The following HMCN1 variants were observed in gnomAD, a reference collection of about 807,000 sequenced individuals.
The protein encoded by HMCN1 is hemicentin-1.
In HMCN1, 321 loss-of-function variants were observed where a neutral mutation model predicts 625.9. That is an observed-to-expected ratio of 0.51 (90% CI 0.47 to 0.56). HMCN1 has a LOEUF of 0.56. Ranked by LOEUF, HMCN1 falls within the 20% of genes least tolerant of loss-of-function variation. HMCN1 has a pLI of 0.00. For synonymous variants in HMCN1, 2,425 were observed against 2,417.6 expected, an observed-to-expected ratio of 1.00 and a Z score of -0.09; for missense variants, 6,588 against 6,887.3, an observed-to-expected ratio of 0.96 and a Z score of 1.54.
At chr1:186,119,494 A>T (rs1041097323) in intron 78 of HMCN1, among the ~76,000 whole-genome samples, 196 bp downstream of exon 78, 2 of 152,188 alleles carry the variant, frequency 1.3e-5, no homozygotes, top group Non-Finnish European at 1.5e-5. Flanking sequence ...TAACTCCAAA[A>T]TAATTTTTCT....
Position 186,108,633 on chromosome 1 carries a change from G to A in HMCN1, c.10989+36G>A, listed in dbSNP as rs371452028. 4 of 1,612,746 alleles carry A rather than the reference G, an allele frequency of 2.5e-6. No homozygotes were observed. The African/African-American group carries it at 4.0e-5, about 16-fold the overall frequency. On this transcript the variant is annotated intron_variant, in intron 71 of 106. Transcript: ENST00000271588. ...TGATAAGCTCCACAAATTCCTTTTT[G>A]AGATGAAAAAAGTAAAAAAATCAGC...
At chr1:185,875,473 A>G (rs947535698) in intron 4 of HMCN1, among the ~76,000 whole-genome samples, 1 of 152,094 alleles carries the variant, frequency 6.6e-6, no homozygotes, top group African/African-American at 2.4e-5. Flanking sequence ...AAAATCATGA[A>G]CCAAACTCTA....
chr1:185,948,850 A>C (rs1462193011), intron 11 of HMCN1, among the ~76,000 whole-genome samples: 1 of 151,724 alleles, frequency 6.6e-6, no homozygotes, highest in African/African-American at 2.4e-5. Flanking sequence ...GGGCTGCTTC[A>C]AGCGGGATTA....
intron 50 of HMCN1, among the ~76,000 whole-genome samples, chr1:186,068,410 C>T (rs1658261103): frequency 6.6e-6 from 1 of 151,868 alleles, no homozygotes; most frequent in African/African-American, 2.4e-5. Context: ...ATAGATAATG[C>T]AAATAAAAAG....
intron 3 of HMCN1, 109 bp from the exon 4 acceptor site, chr1:185,865,619 ACACACACACACAT>A: frequency 4.1e-6 from 3 of 737,636 alleles, no homozygotes; most frequent in Non-Finnish European, 6.9e-6. Context: ...ACACACACAC[ACACACACACACAT>A]TCACATATTC....
chr1:185,824,569 G>A (rs1182629443), intron 1 of HMCN1, among the ~76,000 whole-genome samples: 1 of 152,120 alleles, frequency 6.6e-6, no homozygotes, highest in Non-Finnish European at 1.5e-5. Flanking sequence ...GGGGAGAATG[G>A]ACACTATATT....
chr1:185,847,334 TA>T (rs1253778168), intron 2 of HMCN1, among the ~76,000 whole-genome samples: 1 of 152,198 alleles, frequency 6.6e-6, no homozygotes, highest in African/African-American at 2.4e-5. Flanking sequence ...AATGGACTCT[TA>T]ATACTCCCAT....
chr1:186,164,970 T>C, intron 97 of HMCN1, 141 bp from the exon 98 acceptor site: 1 of 755,224 alleles, frequency 1.3e-6, no homozygotes, highest in Admixed American at 2.1e-5. Flanking sequence ...AAGTTTTCCA[T>C]GCCTGCTTAT....
At chr1:185,789,164 G>A (rs868021316) in intron 1 of HMCN1, among the ~76,000 whole-genome samples, 2 of 152,154 alleles carry the variant, frequency 1.3e-5, no homozygotes, top group South Asian at 2.1e-4. Flanking sequence ...ACCTTATTGA[G>A]TATTAATGTG....
Position 186,016,210 on chromosome 1 carries a change from A to G in HMCN1, c.5162A>G (p.Lys1721Arg). ...GTGGCTACCAGTGTGGCAGGAGAAA[A>G]GGAAATCAAATATGAAGTTGATGTC... is the stretch of plus-strand genomic sequence containing the variant. ...ICVATSVAGE[K>R]EIKYEVDVLV... The change falls in exon 32 of 107, where the codon AAG (lysine) becomes AGG (arginine). Residue 1721 changes from lysine (K) to arginine (R), a missense_variant. Coordinates refer to ENST00000271588, the MANE Select transcript of HMCN1 (RefSeq NM_031935.3). The G allele has an allele frequency of 6.2e-7, 1 of 1,613,172 alleles. No homozygotes were observed. The highest frequency in any genetic ancestry group is 8.5e-7 in the Non-Finnish European group (1 of 1,179,330).
intron 25 of HMCN1, among the ~76,000 whole-genome samples, chr1:185,997,944 C>A (rs781414988): frequency 3.3e-5 from 5 of 151,976 alleles, no homozygotes; most frequent in Non-Finnish European, 4.4e-5. Context: ...TTCTAAAAAC[C>A]TCTTTTCCTA....
intron 62 of HMCN1, 44 bp downstream of exon 62, chr1:186,088,320 C>T (rs752024102): frequency 4.3e-6 from 7 of 1,610,664 alleles, no homozygotes; most frequent in Non-Finnish European, 5.9e-6. Flanking sequence ...GTTTTTTTCT[C>T]TTGCTCTTAA....
chr1:186,046,117 G>A (rs1656552924), intron 41 of HMCN1, among the ~76,000 whole-genome samples: 1 of 152,054 alleles, frequency 6.6e-6, no homozygotes, highest in Non-Finnish European at 1.5e-5. Flanking sequence ...AATAATCCAA[G>A]GTGTGCCTCA....
chr1:185,879,090 C>T (rs2102386232), intron 4 of HMCN1, among the ~76,000 whole-genome samples: 1 of 152,314 alleles, frequency 6.6e-6, no homozygotes, highest in East Asian at 1.9e-4. Flanking sequence ...TGGTAAAATG[C>T]TTTCCATTCT....
intron 98 of HMCN1, among the ~76,000 whole-genome samples, chr1:186,165,978 C>G (rs1651854074): frequency 6.6e-6 from 1 of 152,192 alleles, no homozygotes; most frequent in Non-Finnish European, 1.5e-5. Context: ...AGGATATAAT[C>G]TAACCATCTA....
intron 4 of HMCN1, among the ~76,000 whole-genome samples, chr1:185,891,471 G>A (rs2102412184): frequency 6.8e-6 from 1 of 148,136 alleles, no homozygotes; most frequent in South Asian, 2.1e-4. Context: ...TTCATGTTTA[G>A]TGCTTCCTTC....
At chr1:186,110,907 G>C (rs1440581349) in intron 71 of HMCN1, among the ~76,000 whole-genome samples, 1 of 149,796 alleles carries the variant, frequency 6.7e-6, no homozygotes, top group Non-Finnish European at 1.5e-5. Flanking sequence ...TAAGAATGAG[G>C]TTCTATCAGG....
At chr1:186,071,445 A>G (rs986492841) in intron 52 of HMCN1, among the ~76,000 whole-genome samples, 3 of 152,198 alleles carry the variant, frequency 2.0e-5, no homozygotes, top group African/African-American at 7.2e-5. Flanking sequence ...TCTTCCATGC[A>G]TGTTTTAAAA....
rs561869682 is a variant in HMCN1, at chr1:186,159,734, G to A, written c.15257-5377G>A. Among the ~76,000 whole-genome samples, 881 of 152,198 alleles carry A rather than the reference G, an allele frequency of 5.8e-3. 12 individuals are homozygous for A. Among genetic ancestry groups the A allele is most frequent in the African/African-American group, 0.02 (825 of 41,538 alleles). ...TGCTAGATTACATTTATTGATTTGC[G>A]TATATTGAACCAGCCTTGCATCCCA... On this transcript the variant is annotated intron_variant, in intron 97 of 106. Coordinates refer to ENST00000271588, the MANE Select transcript of HMCN1 (RefSeq NM_031935.3).
Sources: gnomAD v4.1 joint callset for allele counts (sites outside exome capture counted in the v4.1 genomes callset) on GRCh38, gnomAD v4.1.1 for gene constraint, MANE v1.5 for transcripts, NCBI Gene and HGNC (gene_info 2026-07-23, HGNC 2026-07-21) for gene names.